The following CPQ variants were observed in gnomAD, a reference collection of about 807,000 sequenced individuals.
CPQ encodes the protein Ser-Met dipeptidase.
Under a neutral mutation model 45.7 loss-of-function variants are expected in CPQ, and 37 were observed. That is an observed-to-expected ratio of 0.81 (90% CI 0.62 to 1.07). The LOEUF (loss-of-function observed/expected upper bound fraction) is 1.07, where lower values mean the gene tolerates loss of function less well. Among genes scored for constraint, CPQ ranks in the 50% least tolerant of loss-of-function variants. The probability of loss-of-function intolerance (pLI) is 0.00; values close to 1 mark genes in which losing one functional copy is unlikely to be tolerated. For missense variants in CPQ, 537 were observed against 572.9 expected (o/e 0.94, Z 0.64); for synonymous variants, 186 against 205.8 (o/e 0.90, Z 0.82).
At chr8:96,986,110 A>G (rs1392028987) in intron 5 of CPQ, among the ~76,000 whole-genome samples, 1 of 152,216 alleles carries the variant, frequency 6.6e-6, no homozygotes, top group African/African-American at 2.4e-5. Context: ...AACTGCATCT[A>G]CAGCCACTGC....
At chr8:96,817,353 C>T (rs915795413) in intron 2 of CPQ, among the ~76,000 whole-genome samples, 1 of 152,116 alleles carries the variant, frequency 6.6e-6, no homozygotes, top group African/African-American at 2.4e-5. Flanking sequence ...AATCAGAACT[C>T]ACTGCTCACA....
At chr8:96,723,302 A>G (rs566428068) in intron 1 of CPQ, among the ~76,000 whole-genome samples, 32 of 152,336 alleles carry the variant, frequency 2.1e-4, no homozygotes, top group Non-Finnish European at 4.3e-4. Context: ...ATTAAATAAA[A>G]TACAGTAATG....
chr8:96,727,799 G>A (rs1372655211), intron 1 of CPQ, among the ~76,000 whole-genome samples: 2 of 152,098 alleles, frequency 1.3e-5, no homozygotes, highest in Admixed American at 6.6e-5. Flanking sequence ...CCTGATGATG[G>A]GGGTAGCTTC....
At chr8:97,038,773 T>C (rs1056356233) in intron 6 of CPQ, among the ~76,000 whole-genome samples, 7 of 131,040 alleles carry the variant, frequency 5.3e-5, no homozygotes, top group South Asian at 4.5e-4. Flanking sequence ...TAGGCAGTCA[T>C]GGGCAAAACT....
At chr8:96,744,347 C>T (rs895709419) in intron 1 of CPQ, among the ~76,000 whole-genome samples, 17 of 152,286 alleles carry the variant, frequency 1.1e-4, no homozygotes, top group Middle Eastern at 6.8e-3. Flanking sequence ...TCGCACAGTG[C>T]GCGCACCCAC....
At chr8:96,654,163 C>T (rs145642326) in intron 1 of CPQ, among the ~76,000 whole-genome samples, 4 of 152,300 alleles carry the variant, frequency 2.6e-5, no homozygotes, top group East Asian at 3.9e-4. Flanking sequence ...AGAAGCACTC[C>T]GTCAAGTTGT....
At chr8:96,863,093 C>T (rs935426757) in intron 3 of CPQ, among the ~76,000 whole-genome samples, 1 of 152,082 alleles carries the variant, frequency 6.6e-6, no homozygotes, top group Non-Finnish European at 1.5e-5. Flanking sequence ...GATTCTGTTA[C>T]ATGCAGTTGA....
At chr8:96,767,284 A>G (rs1810479574) in intron 1 of CPQ, among the ~76,000 whole-genome samples, 7 of 152,016 alleles carry the variant, frequency 4.6e-5, no homozygotes, top group Admixed American at 4.6e-4. Flanking sequence ...TCCTCACCTC[A>G]TTTCCCATAA....
intron 2 of CPQ, among the ~76,000 whole-genome samples, chr8:96,792,197 C>T (rs560979025): frequency 7.2e-5 from 11 of 152,098 alleles, no homozygotes; most frequent in South Asian, 2.1e-4. Context: ...AGGCCAAGTC[C>T]GAAGAGATGA....
At position 96,975,848 on chromosome 8, in the gene CPQ, GTAA is replaced by G. The variant is rs1487419730; in HGVS notation, c.961+9808_961+9810del. Among the ~76,000 whole-genome samples, 3 of 151,926 alleles carry G rather than the reference GTAA, an allele frequency of 2.0e-5. No homozygotes were observed. In the East Asian group the frequency reaches 5.8e-4, roughly 29 times the overall value. ...TGGCATAGAAGGGACATACCTTGAG[GTAA>G]TAATAGCCATCTACAACAAACAGAT... is the stretch of plus-strand genomic sequence containing the variant. On this transcript the variant is annotated intron_variant, in intron 5 of 7. Transcript: ENST00000220763.
chr8:96,968,089 G>A (rs995363646), intron 5 of CPQ, among the ~76,000 whole-genome samples: 130 of 152,206 alleles, frequency 8.5e-4, no homozygotes, highest in Middle Eastern at 3.4e-3. Context: ...ATTAGTGATT[G>A]CTTTGCCTCC....
At chr8:97,045,220 G>C (rs180913091) in intron 6 of CPQ, among the ~76,000 whole-genome samples, 1 of 152,176 alleles carries the variant, frequency 6.6e-6, no homozygotes, top group Admixed American at 6.5e-5. Context: ...CCTCGCTGCC[G>C]CCTTGCAGTT....
At chr8:97,128,502 C>T (rs1298276650) in intron 7 of CPQ, among the ~76,000 whole-genome samples, 1 of 152,088 alleles carries the variant, frequency 6.6e-6, no homozygotes, top group African/African-American at 2.4e-5. Flanking sequence ...CTGGCCAACT[C>T]GGTGAAACCT....
Position 97,047,074 on chromosome 8 carries a change from A to T in CPQ, c.1053+17580A>T, listed in dbSNP as rs955416049. ...AACAAATATGTAACAAGTTCTTACC[A>T]TTTAAAAGATGGCATTATAATCTCT... is the stretch of plus-strand genomic sequence containing the variant. On this transcript the variant is annotated intron_variant, in intron 6 of 7. Transcript: ENST00000220763. Among the ~76,000 whole-genome samples the T allele has an allele frequency of 3.9e-5, 6 of 152,234 alleles. 1 individual carries two copies. Among genetic ancestry groups the T allele is most frequent in the Admixed American group, 3.9e-4 (6 of 15,278 alleles).
intron 6 of CPQ, among the ~76,000 whole-genome samples, chr8:97,042,021 C>T (rs1244232823): frequency 1.4e-5 from 2 of 143,494 alleles, no homozygotes; most frequent in Non-Finnish European, 3.1e-5. Context: ...GGGAGGATTC[C>T]CTCTTTTTCT....
At chr8:96,716,394 AGT>A (rs1290904452) in intron 1 of CPQ, among the ~76,000 whole-genome samples, 1 of 152,256 alleles carries the variant, frequency 6.6e-6, no homozygotes, top group Admixed American at 6.5e-5. Flanking sequence ...TATGTTCTTT[AGT>A]GGTGATATCT....
chr8:97,062,276 A>G (rs552608922), intron 6 of CPQ, among the ~76,000 whole-genome samples: 84 of 152,234 alleles, frequency 5.5e-4, no homozygotes, highest in Non-Finnish European at 8.7e-4. Context: ...TTTTGTCCCA[A>G]CCTACAGATG....
chr8:96,741,672 G>T (rs1385537638), intron 1 of CPQ, among the ~76,000 whole-genome samples: 5 of 151,984 alleles, frequency 3.3e-5, no homozygotes, highest in African/African-American at 7.3e-5. Flanking sequence ...CTGGTATGTT[G>T]TGTCTTTGTT....
At chr8:96,689,198 G>A (rs888361201) in intron 1 of CPQ, among the ~76,000 whole-genome samples, 2 of 152,136 alleles carry the variant, frequency 1.3e-5, no homozygotes, top group Non-Finnish European at 2.9e-5. Context: ...TCATTCTGTG[G>A]AGCTGGGGAG....
Sources: gnomAD v4.1 joint callset for allele counts (sites outside exome capture counted in the v4.1 genomes callset) on GRCh38, gnomAD v4.1.1 for gene constraint, MANE v1.5 for transcripts, NCBI Gene and HGNC (gene_info 2026-07-23, HGNC 2026-07-21) for gene names.